The following TSNARE1 variants were observed in gnomAD, a reference collection of about 807,000 sequenced individuals.
TSNARE1 encodes t-SNARE domain-containing protein 1.
A neutral mutation model predicts 62.0 loss-of-function variants in TSNARE1; 49 were observed. The ratio of observed to expected loss-of-function variants is 0.79; its 90% CI spans 0.63 to 1.00. The LOEUF is 1.00. Among genes scored for constraint, TSNARE1 ranks in the 50% least tolerant of loss-of-function variants. The probability of loss-of-function intolerance (pLI) is 0.00; values close to 1 mark genes in which losing one functional copy is unlikely to be tolerated. For missense variants in TSNARE1, 755 were observed against 700.1 expected, an observed-to-expected ratio of 1.08 and a Z score of -0.88; for synonymous variants, 328 against 294.4, an observed-to-expected ratio of 1.11 and a Z score of -1.17.
At chr8:142,246,687 G>A (rs1817897980) in intron 12 of TSNARE1, among the ~76,000 whole-genome samples, 1 of 152,190 alleles carries the variant, frequency 6.6e-6, no homozygotes, top group Admixed American at 6.5e-5. Context: ...CTGGCAGAAC[G>A]GAGGGATGAC....
At chr8:142,345,991 A>G (rs1833321149) in intron 2 of TSNARE1, 99 bp from the exon 3 acceptor site, 3 of 1,416,094 alleles carry the variant, frequency 2.1e-6, no homozygotes, top group Non-Finnish European at 2.9e-6. Flanking sequence ...AGGACCCGAG[A>G]TGCTCCACTC....
chr8:142,373,880 C>T (rs536606281), intron 1 of TSNARE1, among the ~76,000 whole-genome samples: 11 of 152,210 alleles, frequency 7.2e-5, no homozygotes, highest in African/African-American at 2.7e-4. Context: ...GGGCTCAGAG[C>T]ACAGCCAGCG....
chr8:142,285,350 AGATG>A (rs1351105263), intron 10 of TSNARE1, among the ~76,000 whole-genome samples: 1 of 103,640 alleles, frequency 9.6e-6, no homozygotes, highest in Non-Finnish European at 1.9e-5. Flanking sequence ...ATGGGTGAGT[AGATG>A]GATGGGTGGG....
At chr8:142,323,877 T>C (rs749226579) in intron 6 of TSNARE1, among the ~76,000 whole-genome samples, 2 of 152,146 alleles carry the variant, frequency 1.3e-5, no homozygotes, top group Non-Finnish European at 2.9e-5. Context: ...CACCATAGCA[T>C]GCATGGCTTG....
chr8:142,274,424 G>A (rs780443883), intron 12 of TSNARE1: 176 of 985,340 alleles, frequency 1.8e-4, no homozygotes, highest in Non-Finnish European at 2.0e-4. Context: ...GCAGTTCCCC[G>A]CCCCAGTATG....
At position 142,300,466 on chromosome 8, in the gene TSNARE1, C is replaced by T. The variant is rs377107049; in HGVS notation, c.1290+20G>A. 11 of 1,591,810 alleles carry T rather than the reference C, an allele frequency of 6.9e-6. No individual in the cohort carries two copies. Among genetic ancestry groups the T allele is most frequent in the Non-Finnish European group, 9.4e-6 (11 of 1,173,302 alleles). On this transcript the variant is annotated intron_variant, in intron 10 of 13. Coordinates refer to ENST00000524325, the MANE Select transcript of TSNARE1 (RefSeq NM_145003.5). ...ATGTGGAGTGTGGAGAGTGAGCACG[C>T]TTGCCCACGCCAGCCTCACCTCCAT...
At chr8:142,242,234 T>C (rs1817697191) in intron 12 of TSNARE1, among the ~76,000 whole-genome samples, 1 of 152,212 alleles carries the variant, frequency 6.6e-6, no homozygotes, top group South Asian at 2.1e-4. Flanking sequence ...AACTACAATC[T>C]CCATCTCATG....
At chr8:142,283,368 C>T (rs113421437) in intron 11 of TSNARE1, among the ~76,000 whole-genome samples, 2,988 of 143,014 alleles carry the variant, frequency 0.021, 52 homozygotes, top group Non-Finnish European at 0.033. Context: ...GGAGGTGGGG[C>T]CAGTGTCTGT....
chr8:142,226,309 C>A (rs939094423), intron 13 of TSNARE1, among the ~76,000 whole-genome samples: 1 of 152,162 alleles, frequency 6.6e-6, no homozygotes, highest in Admixed American at 6.5e-5. Context: ...CGGGCACACG[C>A]ATGGGCTTGC....
intron 12 of TSNARE1, among the ~76,000 whole-genome samples, chr8:142,263,953 A>C (rs1324385382): frequency 6.6e-6 from 1 of 152,198 alleles, no homozygotes; most frequent in African/African-American, 2.4e-5. Context: ...TGTCTTTACA[A>C]GTTTCTTCCT....
At chr8:142,227,705 A>AT (rs1240228814) in intron 13 of TSNARE1, among the ~76,000 whole-genome samples, 1 of 152,206 alleles carries the variant, frequency 6.6e-6, no homozygotes, top group African/African-American at 2.4e-5. Context: ...GACTGGGGAG[A>AT]CCCCAGGGAT....
At chr8:142,281,535 G>A (rs576886961) in intron 11 of TSNARE1, among the ~76,000 whole-genome samples, 40 of 152,040 alleles carry the variant, frequency 2.6e-4, no homozygotes, top group Non-Finnish European at 3.8e-4. Flanking sequence ...GTGGGAAGAG[G>A]ACATGAGAGA....
At chr8:142,307,568 T>C (rs369831036) in intron 9 of TSNARE1, among the ~76,000 whole-genome samples, 3 of 152,350 alleles carry the variant, frequency 2.0e-5, no homozygotes, top group African/African-American at 7.2e-5. Flanking sequence ...GTAAATGCTA[T>C]GTAGTAAATA....
chr8:142,401,791 G>C (rs1190077470), intron 1 of TSNARE1, among the ~76,000 whole-genome samples: 7 of 152,178 alleles, frequency 4.6e-5, no homozygotes, highest in Non-Finnish European at 8.8e-5. Flanking sequence ...CTGCATTCAC[G>C]GCCTGTGCTG....
intron 10 of TSNARE1, chr8:142,300,020 A>G (rs1410343225): frequency 6.5e-6 from 1 of 154,646 alleles, no homozygotes; most frequent in Admixed American, 6.5e-5. Context: ...GTACCCCGAC[A>G]GCTCACCCCA....
At chr8:142,246,737 C>G (rs1417832480) in intron 12 of TSNARE1, among the ~76,000 whole-genome samples, 1 of 152,192 alleles carries the variant, frequency 6.6e-6, no homozygotes, top group Non-Finnish European at 1.5e-5. Context: ...ACGGGAGAAC[C>G]GTTCAAGGCC....
intron 12 of TSNARE1, among the ~76,000 whole-genome samples, chr8:142,240,557 G>A (rs1817631682): frequency 6.6e-6 from 1 of 152,010 alleles, no homozygotes; most frequent in Non-Finnish European, 1.5e-5. Context: ...TTCTTCTCAG[G>A]CACAAATGGA....
chr8:142,331,695 G>A (rs374032975), intron 5 of TSNARE1, 59 bp downstream of exon 5: 92 of 1,495,078 alleles, frequency 6.2e-5, no homozygotes, highest in African/African-American at 3.3e-4. Context: ...CTCCAATGTC[G>A]CATCAGTGGT....
At chr8:142,244,058 C>T (rs1181226059) in intron 12 of TSNARE1, among the ~76,000 whole-genome samples, 5 of 152,128 alleles carry the variant, frequency 3.3e-5, no homozygotes, top group Non-Finnish European at 7.3e-5. Context: ...TGGTGGCAGG[C>T]GCCTGTGGTC....
Sources: allele counts gnomAD v4.1 joint callset (sites outside exome capture counted in the v4.1 genomes callset), GRCh38; gene constraint gnomAD v4.1.1; transcripts MANE v1.5; gene names NCBI Gene and HGNC (gene_info 2026-07-23, HGNC 2026-07-21).